The following PDE4DIP variants were observed in gnomAD, a reference collection of about 807,000 sequenced individuals.
PDE4DIP encodes myomegalin.
Under a neutral mutation model 221.4 loss-of-function variants are expected in PDE4DIP, and 59 were observed. The observed-to-expected ratio is 0.27, with a 90% CI of 0.22 to 0.33. PDE4DIP has a LOEUF of 0.33. Ranked by LOEUF, PDE4DIP falls within the 10% of genes least tolerant of loss-of-function variation. The probability of loss-of-function intolerance (pLI) is 1.00; values close to 1 mark genes in which losing one functional copy is unlikely to be tolerated. For synonymous variants in PDE4DIP, 404 were observed against 815.9 expected, an observed-to-expected ratio of 0.50 and a Z score of 8.60; for missense variants, 1,036 against 2,154.2, an observed-to-expected ratio of 0.48 and a Z score of 10.28.
Position 149,023,586 on chromosome 1 carries a change from T to TCATATATGTACATGTATATGTGTGCA in PDE4DIP, c.6086-851_6086-826dup, listed in dbSNP as rs1553622394. 3.5e-5 allele frequency among the ~76,000 whole-genome samples: 5 copies of TCATATATGTACATGTATATGTGTGCA among 144,792 alleles called. 1 individual carries two copies. Among genetic ancestry groups the TCATATATGTACATGTATATGTGTGCA allele is most frequent in the Middle Eastern group, 6.9e-3 (2 of 290 alleles). The allele number at this position is 144,792 out of a possible 152,430, so 95.0% of individuals were successfully genotyped here. Reference sequence around the variant, plus strand: ...GCATGTATATATATGTGTGTACATGTCATATATGTACATGTATATGTGTGC... The same window carrying TCATATATGTACATGTATATGTGTGCA: ...GCATGTATATATATGTGTGTACATGTCATATATGTACATGTATATGTGTGCACATATATGTACATGTATATGTGTGC... On this transcript the variant is annotated intron_variant, in intron 37 of 43. Transcript: ENST00000369354.
At chr1:148,954,700 G>A (rs1331807368) in intron 5 of PDE4DIP, among the ~76,000 whole-genome samples, 1 of 152,204 alleles carries the variant, frequency 6.6e-6, no homozygotes, top group East Asian at 1.9e-4. Flanking sequence ...CTTAATTTGA[G>A]CTATTCGTGT....
At chr1:148,938,717 TG>T (rs1482589614) in intron 5 of PDE4DIP, among the ~76,000 whole-genome samples, 1 of 151,078 alleles carries the variant, frequency 6.6e-6, no homozygotes, top group African/African-American at 2.4e-5. Context: ...GAAAATGTGC[TG>T]GGTACTAGTT....
At position 149,000,426 on chromosome 1, in the gene PDE4DIP, G is replaced by A. The variant is rs369491298; in HGVS notation, c.3138-1165G>A. ...AAAAGTTAGCTGGGCGTGGTGGCAC[G>A]TGCCTGTAGTCCCAGCTACTCGGGA... is the stretch of plus-strand genomic sequence containing the variant. On this transcript the variant is annotated intron_variant, in intron 23 of 43. Transcript: ENST00000369354. 7.2e-4 allele frequency among the ~76,000 whole-genome samples: 110 copies of A among 151,962 alleles called. 2 individuals are homozygous for A. The highest frequency in any genetic ancestry group is 3.4e-3 in the Middle Eastern group (1 of 294).
chr1:148,843,441 C>T (rs1553379270), intron 1 of PDE4DIP, among the ~76,000 whole-genome samples: 2 of 42,472 alleles, frequency 4.7e-5, no homozygotes. Flanking sequence ...AGAACCTTAG[C>T]AGAGACTTTG....
At chr1:148,989,141 A>G in intron 21 of PDE4DIP, 1 of 313,802 alleles carries the variant, frequency 3.2e-6, no homozygotes, top group Non-Finnish European at 6.2e-6. Flanking sequence ...CTTGTATGAG[A>G]TAACTTACTC....
exon 44 of PDE4DIP, chr1:149,032,031 C>G (rs781866943): frequency 1.2e-6 from 2 of 1,611,334 alleles, no homozygotes; most frequent in South Asian, 2.2e-5. Flanking sequence ...CACCAGAAGT[C>G]CTTAAAACAG....
At chr1:149,019,506 G>A (rs1439670631) in intron 35 of PDE4DIP, 1 of 152,096 alleles carries the variant, frequency 6.6e-6, no homozygotes, top group Non-Finnish European at 1.5e-5. Flanking sequence ...AGATTTGAGA[G>A]GAAAGGTCAC....
At chr1:148,898,269 C>A (rs587693579) in intron 1 of PDE4DIP, among the ~76,000 whole-genome samples, 1 of 101,868 alleles carries the variant, frequency 9.8e-6, no homozygotes, top group Non-Finnish European at 1.9e-5. Flanking sequence ...CTCATATTTG[C>A]GCATATGCAT....
intron 22 of PDE4DIP, 72 bp from the exon 26 acceptor site, chr1:148,998,071 C>T: frequency 3.7e-6 from 3 of 817,650 alleles, no homozygotes; most frequent in Non-Finnish European, 4.0e-6. Flanking sequence ...TTTAAAACTG[C>T]CTTTGCAATC....
intron 5 of PDE4DIP, among the ~76,000 whole-genome samples, chr1:148,948,597 G>A (rs1191227291): frequency 1.3e-5 from 2 of 151,746 alleles, no homozygotes; most frequent in Non-Finnish European, 2.9e-5. Context: ...CTTAAAGTGC[G>A]GGTGACTTTC....
chr1:148,949,816 T>G (rs1553486203), intron 5 of PDE4DIP, among the ~76,000 whole-genome samples: 2 of 151,994 alleles, frequency 1.3e-5, no homozygotes, highest in Admixed American at 6.6e-5. Flanking sequence ...AGATACAGTT[T>G]TGAACTATTT....
intron 1 of PDE4DIP, among the ~76,000 whole-genome samples, chr1:148,927,188 A>T (rs1553466319): frequency 6.6e-6 from 1 of 151,928 alleles, no homozygotes; most frequent in African/African-American, 2.4e-5. Flanking sequence ...TGTTCATAAA[A>T]TAATAACTTT....
chr1:149,011,203 A>T (rs1303853554), intron 31 of PDE4DIP, among the ~76,000 whole-genome samples: 2 of 134,672 alleles, frequency 1.5e-5, no homozygotes, highest in Non-Finnish European at 1.6e-5. Context: ...ACAGCCCTGT[A>T]CCAGGGATGG....
At chr1:149,028,217 A>T (rs1204327532) in intron 40 of PDE4DIP, among the ~76,000 whole-genome samples, 1 of 151,116 alleles carries the variant, frequency 6.6e-6, no homozygotes, top group Non-Finnish European at 1.5e-5. Context: ...ACCCAAGTAG[A>T]TAAGCACAGT....
Position 149,021,480 on chromosome 1 carries a change from G to A in PDE4DIP, c.6085+327G>A, listed in dbSNP as rs1159354932. On this transcript the variant is annotated intron_variant, in intron 37 of 43. Transcript: ENST00000369354. ...ATTTGAAAAGGCCTTTAATATTGTC[G>A]GTGATACATACTGACAACCCATTCA... 8.4e-4 allele frequency: 166 copies of A among 197,404 alleles called. 1 individual carries two copies. Among genetic ancestry groups the A allele is most frequent in the East Asian group, 7.4e-3 (50 of 6,742 alleles). 12.2% of individuals were successfully genotyped at this position (197,404 alleles called of 1,614,324 possible).
At chr1:149,010,874 C>A (rs1480121707) in intron 31 of PDE4DIP, among the ~76,000 whole-genome samples, 1 of 147,772 alleles carries the variant, frequency 6.8e-6, no homozygotes, top group Admixed American at 6.8e-5. Context: ...CTCATTTTAT[C>A]CTGGGAGCAA....
At chr1:149,018,039 G>C (rs1440473997) in intron 34 of PDE4DIP, among the ~76,000 whole-genome samples, 160 bp downstream of exon 37, 1 of 152,194 alleles carries the variant, frequency 6.6e-6, no homozygotes, top group South Asian at 2.1e-4. Flanking sequence ...TGAGTTTAGA[G>C]AGTAACTCTC....
intron 1 of PDE4DIP, among the ~76,000 whole-genome samples, chr1:148,851,147 A>G (rs1203684182): frequency 4.3e-5 from 6 of 140,342 alleles, no homozygotes; most frequent in Non-Finnish European, 9.6e-5. Context: ...TTTGCATGTA[A>G]CACTTCATAT....
intron 5 of PDE4DIP, among the ~76,000 whole-genome samples, chr1:148,950,173 T>TA (rs2052798760): frequency 6.6e-6 from 1 of 151,832 alleles, no homozygotes; most frequent in South Asian, 2.1e-4. Flanking sequence ...GCATTGACAG[T>TA]AAAAAATGAG....
Sources: allele counts gnomAD v4.1 joint callset (sites outside exome capture counted in the v4.1 genomes callset), GRCh38; gene constraint gnomAD v4.1.1; transcripts MANE v1.5; gene names NCBI Gene and HGNC (gene_info 2026-07-23, HGNC 2026-07-21).